The following KIAA0232 variants were observed in gnomAD, a reference collection of about 807,000 sequenced individuals.
The protein encoded by KIAA0232 is KIAA0232, also known as uncharacterized protein KIAA0232.
In KIAA0232, 27 loss-of-function variants were observed where a neutral mutation model predicts 122.0. The observed-to-expected ratio is 0.22, with a 90% CI of 0.16 to 0.31. The LOEUF (loss-of-function observed/expected upper bound fraction) is 0.31, where lower values mean the gene tolerates loss of function less well. KIAA0232 is among the 10% of genes least tolerant of loss of function. The pLI is 1.00. For missense variants in KIAA0232, 1,551 were observed against 1,634.2 expected, an observed-to-expected ratio of 0.95 and a Z score of 0.88; for synonymous variants, 613 against 587.6, an observed-to-expected ratio of 1.04 and a Z score of -0.63.
intron 2 of KIAA0232, among the ~76,000 whole-genome samples, chr4:6,822,880 A>G (rs1370770983): frequency 6.8e-6 from 1 of 147,522 alleles, no homozygotes; most frequent in East Asian, 2.0e-4. Flanking sequence ...TGCACCCACT[A>G]ACTCGTCATC....
At chr4:6,835,827 C>T (rs532493344) in intron 3 of KIAA0232, among the ~76,000 whole-genome samples, 1 of 152,312 alleles carries the variant, frequency 6.6e-6, no homozygotes, top group South Asian at 2.1e-4. Context: ...CGTAGTATTC[C>T]ATGGTGTATA....
In KIAA0232 at chr4:6,864,134, A is replaced by T. The variant is rs1267179246; in HGVS notation, c.3752A>T (p.Gln1251Leu). The change falls in exon 7 of 10, where the codon CAG becomes CTG. Residue 1251 changes from glutamine to leucine, a missense_variant. Around this residue, in one of 5 missense-constraint regions of KIAA0232, gnomAD observed 1,108 missense variants for 1,154.8 expected, o/e 0.96. Coordinates refer to ENST00000307659, the MANE Select transcript of KIAA0232 (RefSeq NM_014743.3). ...TTTTGTGGTTGCAAAGCAGGTTGTC[A>T]GTTTCCTGCTTATGAAGATAATCCA... The part of the protein sequence containing the change: ...NNFCGCKAGC[Q>L]FPAYEDNPVS... 2 of 1,614,106 alleles carry T rather than the reference A, an allele frequency of 1.2e-6. No homozygotes were observed. The highest frequency in any genetic ancestry group is 1.6e-4 in the Middle Eastern group (1 of 6,062).
intron 4 of KIAA0232, among the ~76,000 whole-genome samples, chr4:6,844,032 T>C (rs6830602): frequency 0.88 from 129,956 of 148,378 alleles, 57,037 homozygotes; most frequent in Non-Finnish European, 0.91. Flanking sequence ...CTCCGCCTCC[T>C]GGGTTCATGC....
rs770365746 is a variant in KIAA0232 at position 6,861,630 on chromosome 4, A to G, written c.1248A>G (p.Arg416=). Residue 416 remains arginine (R), a synonymous_variant, in exon 7 of 10, where the codon AGA becomes AGG. Coordinates refer to ENST00000307659, the MANE Select transcript of KIAA0232 (RefSeq NM_014743.3). ...CTGAATATTTTGTTCCTCTGAGCAG[A>G]AAAAGTAAACTAGAGACCACATACC... ...PIAEYFVPLS[R]KSKLETTYRN... The G allele has an allele frequency of 2.4e-5, 39 of 1,613,960 alleles. No individual in the cohort carries two copies. Among genetic ancestry groups the G allele is most frequent in the East Asian group, 6.7e-5 (3 of 44,892 alleles).
chr4:6,809,305 C>A (rs1717771481), intron 2 of KIAA0232, among the ~76,000 whole-genome samples: 2 of 152,066 alleles, frequency 1.3e-5, no homozygotes, highest in South Asian at 4.1e-4. Flanking sequence ...TGATACCTGC[C>A]CTATTAAAGT....
intron 1 of KIAA0232, among the ~76,000 whole-genome samples, chr4:6,803,204 C>CATATATATATAT (rs34234535): frequency 2.1e-5 from 3 of 141,628 alleles, no homozygotes; most frequent in African/African-American, 7.8e-5. Context: ...AAAATGAGTG[C>CATATATATATAT]ATATATATAT....
chr4:6,827,068 C>T (rs963146605), intron 3 of KIAA0232, among the ~76,000 whole-genome samples: 4 of 152,266 alleles, frequency 2.6e-5, no homozygotes, highest in African/African-American at 7.2e-5. Flanking sequence ...TCTGGAGTTA[C>T]AAGGAGAATC....
intron 4 of KIAA0232, among the ~76,000 whole-genome samples, chr4:6,851,603 C>G (rs968663115): frequency 2.0e-5 from 3 of 151,084 alleles, no homozygotes; most frequent in Non-Finnish European, 4.4e-5. Context: ...TCCCCAGCTA[C>G]TTGGGAGGCT....
At chr4:6,811,684 G>A (rs930450802) in intron 2 of KIAA0232, among the ~76,000 whole-genome samples, 2 of 151,078 alleles carry the variant, frequency 1.3e-5, no homozygotes, top group Non-Finnish European at 2.9e-5. Context: ...AGTTCAAACA[G>A]TCCGTCCGCC....
chr4:6,863,205 T>C lies in KIAA0232; in HGVS notation c.2823T>C (p.Asn941=), dbSNP rs779028094. 9 of 1,613,808 alleles carry C rather than the reference T, an allele frequency of 5.6e-6. No individual in the cohort carries two copies. The Admixed American group carries it at 6.7e-5, about 12-fold the overall frequency. The change falls in exon 7 of 10, where the codon AAT becomes AAC. Residue 941 remains asparagine, a synonymous_variant. Transcript: ENST00000307659. ...GGVYGELKTF[N]SDGEWAVVPP... is the part of the protein sequence containing the mutation. ...TTTATGGAGAACTCAAAACCTTCAA[T>C]AGTGATGGGGAGTGGGCAGTCGTAC... is the stretch of plus-strand genomic sequence containing the variant.
chr4:6,798,762 G>A (rs1299614400), intron 1 of KIAA0232, among the ~76,000 whole-genome samples: 1 of 152,078 alleles, frequency 6.6e-6, no homozygotes, highest in Non-Finnish European at 1.5e-5. Flanking sequence ...GTGTTGTCCA[G>A]GCTGGTCTCA....
Position 6,877,322 on chromosome 4 carries a change from G to C in KIAA0232, c.4008+565G>C, listed in dbSNP as rs530645660. Among the ~76,000 whole-genome samples the C allele has an allele frequency of 4.1e-4, 62 of 152,348 alleles. 1 individual carries two copies. In the South Asian group the frequency reaches 0.011, roughly 26 times the overall value. ...TCTTCCACAAGCCTGTGGGCACCAC[G>C]AAGGCGGGAGCGGGGCCTCCGCCTG... On this transcript the variant is annotated intron_variant, in intron 9 of 9. Transcript: ENST00000307659.
chr4:6,806,561 C>A (rs571963721), intron 2 of KIAA0232, among the ~76,000 whole-genome samples: 1 of 151,576 alleles, frequency 6.6e-6, no homozygotes, highest in African/African-American at 2.4e-5. Context: ...GGTGAAACCC[C>A]GTCTGTATTA....
At chr4:6,783,543 T>A (rs1716459495) in intron 1 of KIAA0232, among the ~76,000 whole-genome samples, 1 of 152,086 alleles carries the variant, frequency 6.6e-6, no homozygotes, top group Non-Finnish European at 1.5e-5. Context: ...GGCCGCTCGC[T>A]CGCGTTCCCT....
Position 6,863,258 on chromosome 4 carries a change from T to C in KIAA0232, c.2876T>C (p.Leu959Ser), listed in dbSNP as rs1343249706. 2 of 1,614,018 alleles carry C rather than the reference T, an allele frequency of 1.2e-6. No homozygotes were observed. The highest frequency in any genetic ancestry group is 1.3e-5 in the African/African-American group (1 of 74,938). The change falls in exon 7 of 10, where the codon TTA becomes TCA. Residue 959 changes from leucine to serine, a missense_variant. Physicochemically the swap from Leu to Ser is moderately radical, Grantham distance 145. Around this residue, in one of 5 missense-constraint regions of KIAA0232, gnomAD observed 1,108 missense variants for 1,154.8 expected, o/e 0.96. Coordinates refer to ENST00000307659, the MANE Select transcript of KIAA0232 (RefSeq NM_014743.3). ...VPPSHTKGSL[L>S]QCAASDVVTI... ...CCTAGTCACACAAAAGGAAGTCTGTTACAGTGTGCAGCTTCTGATGTTGTG... is the reference window on the plus strand; with the variant it reads ...CCTAGTCACACAAAAGGAAGTCTGTCACAGTGTGCAGCTTCTGATGTTGTG...
intron 3 of KIAA0232, among the ~76,000 whole-genome samples, chr4:6,841,336 CTTAAG>C (rs1187252529): frequency 6.6e-6 from 1 of 152,196 alleles, no homozygotes; most frequent in Non-Finnish European, 1.5e-5. Context: ...TATTTGCCTA[CTTAAG>C]TTAGCAAGGC....
At chr4:6,870,910 C>T (rs1395687162) in intron 7 of KIAA0232, among the ~76,000 whole-genome samples, 2 of 152,218 alleles carry the variant, frequency 1.3e-5, no homozygotes, top group Non-Finnish European at 2.9e-5. Flanking sequence ...CAGAGCACCT[C>T]ATGCCAGTAA....
At chr4:6,869,141 C>T (rs1031274558) in intron 7 of KIAA0232, among the ~76,000 whole-genome samples, 1 of 152,168 alleles carries the variant, frequency 6.6e-6, no homozygotes, top group Non-Finnish European at 1.5e-5. Flanking sequence ...GTTCATGCTG[C>T]CCCTGCTCCC....
intron 4 of KIAA0232, among the ~76,000 whole-genome samples, chr4:6,850,786 C>T (rs1172857409): frequency 1.3e-5 from 2 of 152,044 alleles, no homozygotes; most frequent in African/African-American, 4.8e-5. Context: ...TTCTCTGCCT[C>T]AGCCTCCCGA....
Sources: allele counts gnomAD v4.1 joint callset (sites outside exome capture counted in the v4.1 genomes callset), GRCh38; gene constraint gnomAD v4.1.1; regional missense constraint gnomAD v4.1.1; transcripts MANE v1.5; gene names NCBI Gene and HGNC (gene_info 2026-07-23, HGNC 2026-07-21).